Variants in ZNF704 observed in about 807,000 individuals in gnomAD.
ZNF704 encodes the protein zinc finger protein 704, also known as glucocorticoid induced gene 1.
In ZNF704, 10 loss-of-function variants were observed where a neutral mutation model predicts 44.7. The observed-to-expected ratio is 0.22, with a 90% CI of 0.14 to 0.38. The LOEUF (loss-of-function observed/expected upper bound fraction) is 0.38, where lower values mean the gene tolerates loss of function less well. Among genes scored for constraint, ZNF704 ranks in the 10% least tolerant of loss-of-function variants. The pLI, the probability that ZNF704 is intolerant of heterozygous loss-of-function variation, is 1.00. For synonymous variants in ZNF704, 211 were observed against 207.6 expected (o/e 1.02, Z -0.14); for missense variants, 390 against 545.5 (o/e 0.71, Z 2.84).
At chr8:80,876,834 C>T (rs967918896), upstream of ZNF704, among the ~76,000 whole-genome samples, 2 of 152,140 alleles carry the variant, frequency 1.3e-5, no homozygotes, top group Non-Finnish European at 2.9e-5. Context: ...CAAGGTAGCT[C>T]TCTTTTAAGT....
Position 80,821,275 on chromosome 8 carries a change from T to C in ZNF704, c.221+99A>G, listed in dbSNP as rs148748103. 2,397 of 1,255,970 alleles carry C rather than the reference T, an allele frequency of 1.9e-3. 7 individuals carry two copies. The highest frequency in any genetic ancestry group is 2.2e-3 in the Non-Finnish European group (1,969 of 886,414). 77.8% of individuals were successfully genotyped at this position (1,255,970 alleles called of 1,614,324 possible). The stretch of plus-strand genomic sequence containing the variant: ...ATTTCTTGGCAGAAAACCTTTCATA[T>C]GTCTATATACTGAAGAGAGTCTGTA... On this transcript the variant is annotated intron_variant, in intron 2 of 8. Coordinates refer to ENST00000327835, the MANE Select transcript of ZNF704 (RefSeq NM_001033723.3).
At chr8:80,727,650 G>A (rs1806508799) in intron 2 of ZNF704, among the ~76,000 whole-genome samples, 1 of 152,114 alleles carries the variant, frequency 6.6e-6, no homozygotes, top group South Asian at 2.1e-4. Context: ...TCATACAAGT[G>A]AGGAACTGGC....
At chr8:80,680,256 G>C (rs980235986) in intron 4 of ZNF704, among the ~76,000 whole-genome samples, 2 of 152,030 alleles carry the variant, frequency 1.3e-5, no homozygotes, top group Admixed American at 1.3e-4. Flanking sequence ...CATATGACGT[G>C]TAAGTCCAAC....
At chr8:80,811,831 G>C (rs1008065821) in intron 2 of ZNF704, among the ~76,000 whole-genome samples, 3 of 152,200 alleles carry the variant, frequency 2.0e-5, no homozygotes. Flanking sequence ...CTGCAAAGCA[G>C]AAGGTGAGCT....
chr8:80,796,928 AG>A (rs917654197), intron 2 of ZNF704, among the ~76,000 whole-genome samples: 5 of 116,988 alleles, frequency 4.3e-5, no homozygotes, highest in African/African-American at 1.9e-4. Context: ...GAGAAAGGGA[AG>A]GGAAAAGGAA....
intron 1 of ZNF704, among the ~76,000 whole-genome samples, chr8:80,862,478 A>G (rs1308208964): frequency 4.6e-5 from 7 of 151,616 alleles, no homozygotes; most frequent in Admixed American, 2.6e-4. Flanking sequence ...AGGACTTGGC[A>G]CAGTGGCTCA....
chr8:80,807,949 A>G (rs1006327754), intron 2 of ZNF704, among the ~76,000 whole-genome samples: 4 of 152,218 alleles, frequency 2.6e-5, no homozygotes, highest in Non-Finnish European at 5.9e-5. Flanking sequence ...GGTTTTCTCT[A>G]TTCAGCCTGA....
intron 1 of ZNF704, among the ~76,000 whole-genome samples, chr8:80,850,201 T>C (rs1439841261): frequency 6.6e-6 from 1 of 152,226 alleles, no homozygotes; most frequent in Non-Finnish European, 1.5e-5. Flanking sequence ...GTTACATGCT[T>C]GGTATGGAAT....
intron 1 of ZNF704, among the ~76,000 whole-genome samples, chr8:80,841,327 A>C (rs1181345473): frequency 6.6e-6 from 1 of 152,240 alleles, no homozygotes; most frequent in Non-Finnish European, 1.5e-5. Context: ...GCACAGGAAA[A>C]TAATACACGG....
chr8:80,717,039 T>C (rs1209123177), intron 2 of ZNF704, among the ~76,000 whole-genome samples: 4 of 152,244 alleles, frequency 2.6e-5, no homozygotes, highest in Non-Finnish European at 5.9e-5. Flanking sequence ...AAAGGCACTC[T>C]ATACTCTTTA....
chr8:80,684,742 A>G (rs547657474), intron 4 of ZNF704, among the ~76,000 whole-genome samples: 9 of 152,174 alleles, frequency 5.9e-5, no homozygotes, highest in Non-Finnish European at 1.0e-4. Context: ...TTACACATCA[A>G]TTTCCAGCCA....
chr8:80,650,459 A>G lies in ZNF704; in HGVS notation c.1033-7330T>C, dbSNP rs147235128. 2.4e-3 allele frequency among the ~76,000 whole-genome samples: 373 copies of G among 152,362 alleles called. 2 individuals are homozygous for G. The highest frequency in any genetic ancestry group is 8.6e-3 in the African/African-American group (357 of 41,598). On this transcript the variant is annotated intron_variant, in intron 7 of 8. Coordinates refer to ENST00000327835, the MANE Select transcript of ZNF704 (RefSeq NM_001033723.3). The stretch of plus-strand genomic sequence containing the variant: ...TGGCTAACCAGAATAACCAATGCAG[A>G]GAAGTCCTTAAAGGACCTGTTGGAA...
intron 1 of ZNF704, among the ~76,000 whole-genome samples, chr8:80,856,169 G>A (rs1808957861): frequency 6.6e-6 from 1 of 152,034 alleles, no homozygotes; most frequent in Non-Finnish European, 1.5e-5. Flanking sequence ...TGGTTGCCGG[G>A]GCTGGTCTTG....
At chr8:80,784,571 T>C (rs988146720) in intron 2 of ZNF704, among the ~76,000 whole-genome samples, 8 of 152,252 alleles carry the variant, frequency 5.3e-5, no homozygotes, top group African/African-American at 1.7e-4. Flanking sequence ...TTTGAGGAGA[T>C]GTCTGTTCAG....
intron 1 of ZNF704, among the ~76,000 whole-genome samples, chr8:80,831,499 T>C (rs186253834): frequency 5.3e-5 from 8 of 152,372 alleles, no homozygotes; most frequent in Non-Finnish European, 7.3e-5. Context: ...GCTGATATTC[T>C]TGTTAATGGA....
intron 1 of ZNF704, among the ~76,000 whole-genome samples, chr8:80,862,482 T>C (rs1809080376): frequency 6.6e-6 from 1 of 150,900 alleles, no homozygotes; most frequent in Non-Finnish European, 1.5e-5. Flanking sequence ...CTTGGCACAG[T>C]GGCTCACATC....
At chr8:80,650,034 C>G (rs576212999) in intron 7 of ZNF704, among the ~76,000 whole-genome samples, 2 of 152,334 alleles carry the variant, frequency 1.3e-5, no homozygotes, top group Admixed American at 6.5e-5. Flanking sequence ...GCCTCCGCTG[C>G]TGATACCCAG....
rs1650594013 is a variant in ZNF704, at chr8:80,629,924, C to T, written c.*11442G>A. 1 of 152,200 alleles carries T rather than the reference C, an allele frequency of 6.6e-6. No individual in the cohort carries two copies. The highest frequency in any genetic ancestry group is 6.5e-5 in the Admixed American group (1 of 15,272). The allele number at this position is 152,200 out of a possible 1,614,324, so 9.4% of individuals were successfully genotyped here. ...GCACATTTTCTAACAGCCAACATTT[C>T]CCATTTATGCTTACGAAGTAACAAA... On this transcript the variant is annotated 3_prime_UTR_variant, in exon 9 of 9. Transcript: ENST00000327835.
At chr8:80,872,464 G>A (rs1266566669) in intron 1 of ZNF704, among the ~76,000 whole-genome samples, 1 of 152,010 alleles carries the variant, frequency 6.6e-6, no homozygotes, top group African/African-American at 2.4e-5. Flanking sequence ...TTTTTTAGTG[G>A]TCTCTAACTA....
Sources: gnomAD v4.1 joint callset for allele counts (sites outside exome capture counted in the v4.1 genomes callset) on GRCh38, gnomAD v4.1.1 for gene constraint, MANE v1.5 for transcripts, NCBI Gene and HGNC (gene_info 2026-07-23, HGNC 2026-07-21) for gene names.